The following KCNIP4 variants were observed in gnomAD, a reference collection of about 807,000 sequenced individuals.
KCNIP4 encodes the protein Kv channel-interacting protein 4.
In KCNIP4, 12 loss-of-function variants were observed where a neutral mutation model predicts 34.0. That is an observed-to-expected ratio of 0.35 (90% CI 0.23 to 0.57). The LOEUF is 0.57. KCNIP4 is among the 20% of genes least tolerant of loss of function. The pLI is 0.83. For synonymous variants in KCNIP4, 124 were observed against 102.2 expected (o/e 1.21, Z -1.29); for missense variants, 238 against 311.7 (o/e 0.76, Z 1.78).
Position 21,875,740 on chromosome 4 carries a change from A to G in KCNIP4, c.61+72831T>C, listed in dbSNP as rs538552484. ...ATTAAATATGGCAAATTTTCAGATGAGTATAATTGCACTGTATTAATCACA... is the reference window on the plus strand; with the variant it reads ...ATTAAATATGGCAAATTTTCAGATGGGTATAATTGCACTGTATTAATCACA... On this transcript the variant is annotated intron_variant, in intron 1 of 8. Coordinates refer to ENST00000382152, the MANE Select transcript of KCNIP4 (RefSeq NM_025221.6). Among the ~76,000 whole-genome samples the G allele has an allele frequency of 7.9e-4, 120 of 152,336 alleles. 1 individual carries two copies. The highest frequency in any genetic ancestry group is 4.1e-3 in the Admixed American group (62 of 15,304).
intron 1 of KCNIP4, among the ~76,000 whole-genome samples, chr4:21,737,934 C>A (rs560718686): frequency 2.0e-3 from 298 of 150,606 alleles, no homozygotes; most frequent in African/African-American, 7.0e-3. Context: ...AACACACACA[C>A]ACAAAAAAAA....
intron 3 of KCNIP4, among the ~76,000 whole-genome samples, chr4:20,769,360 A>G (rs1755676888): frequency 6.6e-6 from 1 of 152,170 alleles, no homozygotes; most frequent in Non-Finnish European, 1.5e-5. Context: ...ATTGGGCCCA[A>G]TTCCTGAATC....
At chr4:21,529,797 G>A (rs1736521021) in intron 1 of KCNIP4, among the ~76,000 whole-genome samples, 1 of 152,106 alleles carries the variant, frequency 6.6e-6, no homozygotes, top group Admixed American at 6.5e-5. Context: ...GTGTACTATT[G>A]CTTTGTGAAT....
intron 1 of KCNIP4, among the ~76,000 whole-genome samples, chr4:21,377,016 T>C (rs564046123): frequency 3.3e-5 from 5 of 152,308 alleles, no homozygotes; most frequent in Admixed American, 1.3e-4. Flanking sequence ...GCATTTTTTT[T>C]CCTTTTTTCT....
At chr4:20,766,233 T>A (rs1218858824) in intron 3 of KCNIP4, among the ~76,000 whole-genome samples, 2 of 152,114 alleles carry the variant, frequency 1.3e-5, no homozygotes, top group African/African-American at 2.4e-5. Context: ...AAATAGCAGA[T>A]CTAATCTATA....
chr4:20,854,575 A>T (rs1721374997), intron 2 of KCNIP4, among the ~76,000 whole-genome samples: 1 of 152,316 alleles, frequency 6.6e-6, no homozygotes, highest in South Asian at 2.1e-4. Flanking sequence ...AAATCTCACA[A>T]ATCACCACTG....
intron 1 of KCNIP4, among the ~76,000 whole-genome samples, chr4:20,969,433 G>C (rs1734700573): frequency 6.6e-6 from 1 of 152,118 alleles, no homozygotes; most frequent in Non-Finnish European, 1.5e-5. Flanking sequence ...CCTTCCAAGT[G>C]AATCCTAATC....
intron 5 of KCNIP4, among the ~76,000 whole-genome samples, chr4:20,742,693 T>A (rs1031186218): frequency 6.6e-6 from 1 of 152,070 alleles, no homozygotes; most frequent in Non-Finnish European, 1.5e-5. Context: ...CTATTCAACA[T>A]AGTGTTGGAA....
At chr4:21,457,092 C>G (rs1430095050) in intron 1 of KCNIP4, among the ~76,000 whole-genome samples, 1 of 151,920 alleles carries the variant, frequency 6.6e-6, no homozygotes, top group Non-Finnish European at 1.5e-5. Flanking sequence ...TCCTTTTTCA[C>G]TCTCCTTCCA....
At chr4:21,477,305 C>A (rs1731068960) in intron 1 of KCNIP4, among the ~76,000 whole-genome samples, 1 of 152,154 alleles carries the variant, frequency 6.6e-6, no homozygotes, top group Non-Finnish European at 1.5e-5. Context: ...GCCTGACAGA[C>A]ACCGAAGCTT....
intron 1 of KCNIP4, among the ~76,000 whole-genome samples, chr4:21,782,994 C>T (rs1478496891): frequency 6.6e-6 from 1 of 151,820 alleles, no homozygotes; most frequent in African/African-American, 2.4e-5. Flanking sequence ...TTAGTAGCTG[C>T]CAAGGATGAG....
At chr4:21,103,041 T>C (rs1266382090) in intron 1 of KCNIP4, among the ~76,000 whole-genome samples, 1 of 152,094 alleles carries the variant, frequency 6.6e-6, no homozygotes, top group Non-Finnish European at 1.5e-5. Flanking sequence ...TCTTGCTATG[T>C]GGCATTACAA....
intron 1 of KCNIP4, among the ~76,000 whole-genome samples, chr4:21,905,334 C>T (rs1366593162): frequency 6.6e-6 from 1 of 152,142 alleles, no homozygotes; most frequent in Non-Finnish European, 1.5e-5. Flanking sequence ...CTCAACTCTG[C>T]ATTGAGTTAT....
chr4:21,595,914 G>A (rs1211587880), intron 1 of KCNIP4, among the ~76,000 whole-genome samples: 2 of 152,074 alleles, frequency 1.3e-5, no homozygotes, highest in Non-Finnish European at 2.9e-5. Context: ...GAGCATGTGA[G>A]AAATTAAACA....
intron 1 of KCNIP4, among the ~76,000 whole-genome samples, chr4:21,883,161 T>TG (rs927504700): frequency 7.6e-5 from 11 of 144,092 alleles, no homozygotes; most frequent in South Asian, 2.3e-4. Flanking sequence ...GAGTTGTTGT[T>TG]TTTTTTTTTT....
chr4:21,773,975 A>T (rs11944423), intron 1 of KCNIP4, among the ~76,000 whole-genome samples: 22,509 of 151,766 alleles, frequency 0.15, 5,616 homozygotes, highest in African/African-American at 0.51. Context: ...TTGGATCCTG[A>T]CATCATGATG....
intron 1 of KCNIP4, among the ~76,000 whole-genome samples, chr4:21,585,012 T>C (rs1422017845): frequency 6.6e-6 from 1 of 152,076 alleles, no homozygotes; most frequent in Admixed American, 6.6e-5. Flanking sequence ...AAATAGCAGT[T>C]GAACAAAAAG....
chr4:21,394,180 A>G (rs1722781493), intron 1 of KCNIP4, among the ~76,000 whole-genome samples: 1 of 152,196 alleles, frequency 6.6e-6, no homozygotes. Context: ...CATAATAACA[A>G]TTTCAGTACT....
intron 1 of KCNIP4, among the ~76,000 whole-genome samples, chr4:21,248,300 C>T (rs998066797): frequency 1.3e-5 from 2 of 151,912 alleles, no homozygotes; most frequent in African/African-American, 4.8e-5. Flanking sequence ...AAGCTCTTAG[C>T]TTGGTTGCTC....
Sources: gnomAD v4.1 joint callset for allele counts (sites outside exome capture counted in the v4.1 genomes callset) on GRCh38, gnomAD v4.1.1 for gene constraint, MANE v1.5 for transcripts, NCBI Gene and HGNC (gene_info 2026-07-23, HGNC 2026-07-21) for gene names.